TGDS: variants seen among roughly 807,000 people sequenced by gnomAD.
TGDS encodes TDP-glucose 4,6-dehydratase.
In TGDS, 47 loss-of-function variants were observed where a neutral mutation model predicts 52.3. The observed-to-expected ratio is 0.90, with a 90% CI of 0.71 to 1.15. The LOEUF (loss-of-function observed/expected upper bound fraction) is 1.15. TGDS is among the 50% of genes most tolerant of loss of function. The pLI is 0.00. For missense variants in TGDS, 375 were observed against 418.4 expected, an observed-to-expected ratio of 0.90 and a Z score of 0.90; for synonymous variants, 115 against 136.9, an observed-to-expected ratio of 0.84 and a Z score of 1.12.
At chr13:94,583,759 A>T (rs1176017052) in intron 4 of TGDS, among the ~76,000 whole-genome samples, 1 of 152,180 alleles carries the variant, frequency 6.6e-6, no homozygotes, top group African/African-American at 2.4e-5. Context: ...TGGTTAAAAA[A>T]CTAAAAACAA....
chr13:94,592,940 G>C (rs1270795874), intron 2 of TGDS, among the ~76,000 whole-genome samples: 1 of 152,102 alleles, frequency 6.6e-6, no homozygotes, highest in Non-Finnish European at 1.5e-5. Context: ...GCGGACCACA[G>C]GTGAAGAGAT....
chr13:94,577,311 T>C (rs925772992), intron 10 of TGDS, 60 bp downstream of exon 10: 8 of 1,325,898 alleles, frequency 6.0e-6, no homozygotes, highest in Middle Eastern at 2.1e-4. Context: ...ACATATTTTA[T>C]AATTTTATAA....
At chr13:94,592,343 A>C (rs778505619) in intron 2 of TGDS, 34 bp from the exon 3 acceptor site, 1 of 1,535,162 alleles carries the variant, frequency 6.5e-7, no homozygotes, top group South Asian at 1.2e-5. Context: ...GGGCAACACA[A>C]AAAGTGACAT....
intron 1 of TGDS, among the ~76,000 whole-genome samples, chr13:94,595,522 C>A (rs912019257): frequency 2.6e-5 from 4 of 152,026 alleles, no homozygotes; most frequent in African/African-American, 9.7e-5. Flanking sequence ...AGGGTGGAAA[C>A]GGGAAACTGG....
intron 8 of TGDS, 121 bp from the exon 9 acceptor site, chr13:94,578,291 A>T: frequency 1.0e-6 from 1 of 953,864 alleles, no homozygotes; most frequent in South Asian, 1.6e-5. Flanking sequence ...ATCTTTACTG[A>T]AAATACAAAT....
intron 5 of TGDS, among the ~76,000 whole-genome samples, chr13:94,581,903 A>G (rs1054115821): frequency 6.6e-6 from 1 of 152,202 alleles, no homozygotes; most frequent in Non-Finnish European, 1.5e-5. Context: ...ATTTATTTTA[A>G]AAAATAGATT....
intron 4 of TGDS, among the ~76,000 whole-genome samples, chr13:94,584,936 A>G (rs1224547370): frequency 2.0e-5 from 3 of 152,250 alleles, no homozygotes; most frequent in Non-Finnish European, 4.4e-5. Flanking sequence ...AAAAAGAAAA[A>G]TGAGGATGCT....
intron 5 of TGDS, 124 bp from the exon 6 acceptor site, chr13:94,581,313 G>A: frequency 1.8e-6 from 1 of 564,984 alleles, no homozygotes; most frequent in South Asian, 3.5e-5. Flanking sequence ...AATCCTATGT[G>A]CCTGGTGTTT....
At chr13:94,592,934 A>G (rs1227416012) in intron 2 of TGDS, among the ~76,000 whole-genome samples, 3 of 152,238 alleles carry the variant, frequency 2.0e-5, no homozygotes, top group African/African-American at 7.2e-5. Context: ...AGGAGGGCGG[A>G]CCACAGGTGA....
intron 3 of TGDS, 45 bp downstream of exon 3, chr13:94,592,196 G>C (rs1156268305): frequency 1.4e-6 from 2 of 1,408,902 alleles, no homozygotes; most frequent in Non-Finnish European, 2.0e-6. Flanking sequence ...TATAATCTCT[G>C]CATGACTAAA....
chr13:94,584,091 A>G (rs1166791814), intron 4 of TGDS, among the ~76,000 whole-genome samples: 3 of 148,760 alleles, frequency 2.0e-5, no homozygotes, highest in Non-Finnish European at 4.4e-5. Context: ...GTACACTGAC[A>G]ATGATGATGT....
chr13:94,594,154 T>C (rs1388894138), intron 1 of TGDS, among the ~76,000 whole-genome samples: 2 of 152,216 alleles, frequency 1.3e-5, no homozygotes, highest in African/African-American at 2.4e-5. Flanking sequence ...GTACTGGTTC[T>C]GGGTATAGGG....
chr13:94,594,518 C>G (rs1266411751), intron 1 of TGDS, among the ~76,000 whole-genome samples: 4 of 152,122 alleles, frequency 2.6e-5, no homozygotes, highest in Non-Finnish European at 5.9e-5. Context: ...AAAGGGGAAT[C>G]ACAGGCATAT....
intron 3 of TGDS, among the ~76,000 whole-genome samples, 175 bp from the exon 4 acceptor site, chr13:94,591,118 G>A (rs1031772468): frequency 1.3e-5 from 2 of 152,086 alleles, no homozygotes; most frequent in African/African-American, 4.8e-5. Context: ...CAGCATCTTA[G>A]GATATTAGAT....
Position 94,596,052 on chromosome 13 carries a change from T to G in TGDS, c.85A>C (p.Ile29Leu). The G allele has an allele frequency of 1.2e-6, 2 of 1,613,986 alleles. No homozygotes were observed. The highest frequency in any genetic ancestry group is 1.7e-6 in the Non-Finnish European group (2 of 1,179,950). The stretch of plus-strand genomic sequence containing the variant: ...TTGGCTAGCGGCGCCATTACCTACA[T>G]GAAACCAGCACCGCCGGTCACCAGG... ...RVLVTGGAGF[I>L]ASHMIVSLVE... The change falls in exon 1 of 12, where the codon ATT becomes CTT. Residue 29 changes from isoleucine to leucine, a missense_variant and splice_region_variant. Transcript: ENST00000261296.
At chr13:94,579,707 T>G (rs755398765) in intron 7 of TGDS, 187 bp downstream of exon 7, 13 of 463,590 alleles carry the variant, frequency 2.8e-5, no homozygotes, top group Admixed American at 8.0e-5. Context: ...GTCAGCCAGC[T>G]TGAGACTTAA....
chr13:94,585,206 C>T (rs6492716), intron 4 of TGDS, among the ~76,000 whole-genome samples: 100,825 of 151,602 alleles, frequency 0.67, 33,760 homozygotes, highest in Middle Eastern at 0.73. Context: ...CCCACTACCA[C>T]GCCCAGCTAA....
chr13:94,576,646 G>A (rs192856537), intron 10 of TGDS, among the ~76,000 whole-genome samples: 3 of 151,632 alleles, frequency 2.0e-5, no homozygotes, highest in African/African-American at 2.4e-5. Flanking sequence ...TTTCAGCCAC[G>A]ATCTAGATAT....
At chr13:94,590,738 C>T (rs112831906) in intron 4 of TGDS, 115 bp downstream of exon 4, 14 of 756,984 alleles carry the variant, frequency 1.8e-5, no homozygotes, top group African/African-American at 3.7e-5. Flanking sequence ...ACACAGTCAC[C>T]GTGGGCTTGT....
Sources: gnomAD v4.1 joint callset for allele counts (sites outside exome capture counted in the v4.1 genomes callset) on GRCh38, gnomAD v4.1.1 for gene constraint, MANE v1.5 for transcripts, NCBI Gene and HGNC (gene_info 2026-07-23, HGNC 2026-07-21) for gene names.